CSMD1: variants seen among roughly 807,000 people sequenced by gnomAD.
CSMD1 encodes the protein CUB and Sushi multiple domains 1, also known as CUB and sushi domain-containing protein 1.
CSMD1 carries 213 observed loss-of-function variants against 417.5 expected under a neutral mutation model. The observed-to-expected ratio is 0.51, with a 90% CI of 0.46 to 0.57. The LOEUF (loss-of-function observed/expected upper bound fraction) is 0.57, where lower values mean the gene tolerates loss of function less well. Among genes scored for constraint, CSMD1 ranks in the 20% least tolerant of loss-of-function variants. The pLI, the probability that CSMD1 is intolerant of heterozygous loss-of-function variation, is 0.00. For missense variants in CSMD1, 6,923 were observed against 4,529.7 expected, an observed-to-expected ratio of 1.53 and a Z score of -15.17; for synonymous variants, 2,862 against 1,736.8, an observed-to-expected ratio of 1.65 and a Z score of -16.11.
intron 2 of CSMD1, among the ~76,000 whole-genome samples, chr8:4,505,501 CATTTA>C (rs1010187645): frequency 5.3e-5 from 8 of 152,022 alleles, no homozygotes; most frequent in South Asian, 2.1e-4. Flanking sequence ...ACTGCTTAAT[CATTTA>C]ATTTAATTTT....
At chr8:4,295,458 TATA>T (rs1286623711) in intron 3 of CSMD1, among the ~76,000 whole-genome samples, 12 of 144,260 alleles carry the variant, frequency 8.3e-5, no homozygotes, top group African/African-American at 2.2e-4. Context: ...ATTATACACA[TATA>T]ATCTTATTAT....
intron 2 of CSMD1, among the ~76,000 whole-genome samples, chr8:4,431,094 A>G (rs1389367185): frequency 3.3e-5 from 5 of 152,142 alleles, no homozygotes; most frequent in African/African-American, 1.2e-4. Context: ...GTGTTAATAT[A>G]TTTAATCTTA....
intron 21 of CSMD1, among the ~76,000 whole-genome samples, chr8:3,358,803 A>G (rs771220326): frequency 2.0e-5 from 3 of 152,132 alleles, no homozygotes; most frequent in Non-Finnish European, 4.4e-5. Flanking sequence ...AGGTTGTGTT[A>G]TTATAGCTTG....
chr8:4,497,558 A>T (rs188694247), intron 2 of CSMD1, among the ~76,000 whole-genome samples: 7 of 152,238 alleles, frequency 4.6e-5, no homozygotes, highest in Admixed American at 3.9e-4. Context: ...AGCAGGGAGG[A>T]AAGACGGATG....
intron 5 of CSMD1, among the ~76,000 whole-genome samples, chr8:3,958,613 A>C (rs1812126469): frequency 6.6e-6 from 1 of 152,152 alleles, no homozygotes; most frequent in Non-Finnish European, 1.5e-5. Flanking sequence ...CATTTGAATA[A>C]TTTAAATGAG....
At chr8:3,249,963 G>A (rs527900259) in intron 26 of CSMD1, among the ~76,000 whole-genome samples, 1 of 152,168 alleles carries the variant, frequency 6.6e-6, no homozygotes, top group Non-Finnish European at 1.5e-5. Flanking sequence ...TTGCATGTCA[G>A]GTTAAAAACT....
At chr8:3,896,645 G>A (rs955803455) in intron 5 of CSMD1, among the ~76,000 whole-genome samples, 18 of 151,948 alleles carry the variant, frequency 1.2e-4, no homozygotes, top group Non-Finnish European at 2.4e-4. Flanking sequence ...CCGAGTAGCT[G>A]GGACTACAGG....
At chr8:3,564,517 T>TTGTGTGTGTGTGTG (rs34665230) in intron 10 of CSMD1, among the ~76,000 whole-genome samples, 12,362 of 145,302 alleles carry the variant, frequency 0.085, 587 homozygotes, top group African/African-American at 0.1. Context: ...CACAGTATAT[T>TTGTGTGTGTGTGTG]TGTGTGTGTG....
chr8:3,102,755 C>A (rs563726004), intron 46 of CSMD1, among the ~76,000 whole-genome samples: 23 of 152,180 alleles, frequency 1.5e-4, no homozygotes, highest in African/African-American at 5.1e-4. Flanking sequence ...AAGCCTGGAA[C>A]GGAGTGTTTC....
intron 3 of CSMD1, among the ~76,000 whole-genome samples, chr8:4,397,792 A>C (rs1804356974): frequency 6.6e-6 from 1 of 152,134 alleles, no homozygotes; most frequent in Non-Finnish European, 1.5e-5. Context: ...CATGTATCTC[A>C]ATATTACATG....
chr8:4,311,017 G>A lies in CSMD1; in HGVS notation c.415+108936C>T, dbSNP rs571693533. On this transcript the variant is annotated intron_variant, in intron 3 of 69. Transcript: ENST00000635120. ...AAAGATAATAGAAAGTGGCAAGGATGTGGAGAAAAGGGAACACTTATACAC... is the reference window on the plus strand; with the variant it reads ...AAAGATAATAGAAAGTGGCAAGGATATGGAGAAAAGGGAACACTTATACAC... 7.9e-5 allele frequency among the ~76,000 whole-genome samples: 12 copies of A among 152,350 alleles called. No homozygotes were observed. The South Asian group carries it at 8.3e-4, about 11-fold the overall frequency.
chr8:3,493,775 TG>T, intron 10 of CSMD1, 49 bp from the exon 11 acceptor site: 1 of 1,473,114 alleles, frequency 6.8e-7, no homozygotes, highest in Non-Finnish European at 9.3e-7. Flanking sequence ...GTACTTCCCA[TG>T]ACTTTTAATA....
chr8:3,819,046 C>T (rs955507261), intron 5 of CSMD1, among the ~76,000 whole-genome samples: 1 of 152,132 alleles, frequency 6.6e-6, no homozygotes, highest in African/African-American at 2.4e-5. Flanking sequence ...TAAAACATTT[C>T]CTGTTTGTAG....
At chr8:4,567,038 G>A (rs1427085354) in intron 2 of CSMD1, among the ~76,000 whole-genome samples, 1 of 152,134 alleles carries the variant, frequency 6.6e-6, no homozygotes, top group African/African-American at 2.4e-5. Flanking sequence ...GCGTCCTACG[G>A]AGAAGTATTT....
chr8:4,917,495 A>G (rs537623740), intron 1 of CSMD1, among the ~76,000 whole-genome samples: 43 of 152,208 alleles, frequency 2.8e-4, no homozygotes, highest in East Asian at 7.8e-4. Flanking sequence ...TTAGCCGGGC[A>G]TGGTGGCGGG....
intron 5 of CSMD1, among the ~76,000 whole-genome samples, chr8:3,899,596 A>T (rs569601967): frequency 1.3e-5 from 2 of 152,216 alleles, no homozygotes; most frequent in East Asian, 1.9e-4. Flanking sequence ...TCAAGGATCA[A>T]TATAGCTCCA....
At chr8:3,966,542 AG>A (rs1812688521) in intron 5 of CSMD1, among the ~76,000 whole-genome samples, 1 of 152,124 alleles carries the variant, frequency 6.6e-6, no homozygotes, top group South Asian at 2.1e-4. Flanking sequence ...CTTTTGTTTC[AG>A]GTTTATTTTC....
intron 1 of CSMD1, among the ~76,000 whole-genome samples, chr8:4,748,181 G>A (rs1295996380): frequency 1.3e-5 from 2 of 152,090 alleles, no homozygotes; most frequent in African/African-American, 4.8e-5. Context: ...CATCACCTTG[G>A]CACATAAACA....
rs922911446 is a variant in CSMD1 at position 4,425,824 on chromosome 8, A to G, written c.303-5759T>C. Among the ~76,000 whole-genome samples the G allele has an allele frequency of 2.6e-5, 4 of 152,126 alleles. No individual in the cohort carries two copies. The East Asian group carries it at 7.7e-4, about 29-fold the overall frequency. ...TCATTCATATTTGATGGTCCAGGGT[A>G]GTACGGGAATATTTTAGTATATGCA... On this transcript the variant is annotated intron_variant, in intron 2 of 69. Transcript: ENST00000635120.
Sources: allele counts gnomAD v4.1 joint callset (sites outside exome capture counted in the v4.1 genomes callset), GRCh38; gene constraint gnomAD v4.1.1; transcripts MANE v1.5; gene names NCBI Gene and HGNC (gene_info 2026-07-23, HGNC 2026-07-21).